PTN: variants seen among roughly 807,000 people sequenced by gnomAD.
PTN encodes heparin affin regulatory protein.
PTN carries 18 observed loss-of-function variants against 24.1 expected under a neutral mutation model. That is an observed-to-expected ratio of 0.75 (90% CI 0.52 to 1.11). PTN has a LOEUF of 1.11. PTN is among the 50% of genes least tolerant of loss of function. PTN has a pLI of 0.00. For missense variants in PTN, 163 were observed against 198.8 expected (o/e 0.82, Z 1.08); for synonymous variants, 78 against 68.6 (o/e 1.14, Z -0.67).
At chr7:137,253,424 A>G in intron 3 of PTN, 40 bp downstream of exon 3, 1 of 1,509,630 alleles carries the variant, frequency 6.6e-7, no homozygotes, top group African/African-American at 1.4e-5. Context: ...TTTGAGAATT[A>G]TCTCAGAGTA....
intron 1 of PTN, among the ~76,000 whole-genome samples, chr7:137,301,070 G>A (rs1809797482): frequency 1.3e-5 from 2 of 151,912 alleles, no homozygotes; most frequent in African/African-American, 2.4e-5. Context: ...GAGATAAAAT[G>A]TATAAAGAGT....
At chr7:137,338,340 C>A (rs534259364) in intron 1 of PTN, among the ~76,000 whole-genome samples, 1 of 152,286 alleles carries the variant, frequency 6.6e-6, no homozygotes, top group Admixed American at 6.5e-5. Context: ...AGTCTGAATT[C>A]TTAAGTTGTC....
chr7:137,325,934 T>G (rs1167257338), intron 1 of PTN: 1 of 152,242 alleles, frequency 6.6e-6, no homozygotes, highest in African/African-American at 2.4e-5. Context: ...TATAGAGTTT[T>G]CTTGAGAGCT....
At chr7:137,284,840 T>C (rs1362440138) in intron 1 of PTN, among the ~76,000 whole-genome samples, 1 of 152,084 alleles carries the variant, frequency 6.6e-6, no homozygotes, top group African/African-American at 2.4e-5. Context: ...AACACAAAAT[T>C]GGAATAAATG....
At chr7:137,293,739 C>G (rs1284136279) in intron 1 of PTN, among the ~76,000 whole-genome samples, 2 of 152,122 alleles carry the variant, frequency 1.3e-5, no homozygotes, top group Non-Finnish European at 2.9e-5. Context: ...GCATCTCCCA[C>G]CAGAGTGGTA....
intron 4 of PTN, among the ~76,000 whole-genome samples, chr7:137,248,418 G>T (rs1808761846): frequency 6.6e-6 from 1 of 152,110 alleles, no homozygotes; most frequent in Non-Finnish European, 1.5e-5. Context: ...AGGCACAGTG[G>T]CTCATGCCTT....
Position 137,264,793 on chromosome 7 carries a change from T to C in PTN, c.-1-9819A>G, listed in dbSNP as rs146260934. Among the ~76,000 whole-genome samples the C allele has an allele frequency of 1.5e-3, 228 of 152,218 alleles. 1 individual carries two copies. The highest frequency in any genetic ancestry group is 5.4e-3 in the African/African-American group (224 of 41,532). On this transcript the variant is annotated intron_variant, in intron 1 of 4. Coordinates refer to ENST00000348225, the MANE Select transcript of PTN (RefSeq NM_002825.7). Reference sequence around the variant, plus strand: ...GGTATTTATTAAAGTTACCACAGCATGGGGGGACTTTAGGTTTTGCCTAAG... The same window carrying C: ...GGTATTTATTAAAGTTACCACAGCACGGGGGGACTTTAGGTTTTGCCTAAG...
intron 1 of PTN, among the ~76,000 whole-genome samples, chr7:137,270,361 T>A (rs1809254184): frequency 1.3e-5 from 2 of 152,244 alleles, no homozygotes; most frequent in South Asian, 4.1e-4. Context: ...TTATAAGGTA[T>A]TAGCTATTAA....
intron 1 of PTN, among the ~76,000 whole-genome samples, chr7:137,292,259 A>G (rs1809649888): frequency 6.6e-6 from 1 of 152,114 alleles, no homozygotes. Flanking sequence ...TCATCTGCAT[A>G]CTTTAATCAT....
At chr7:137,309,472 T>A (rs1809945750) in intron 1 of PTN, among the ~76,000 whole-genome samples, 1 of 151,894 alleles carries the variant, frequency 6.6e-6, no homozygotes, top group South Asian at 2.1e-4. Flanking sequence ...TCACATCAAT[T>A]CACTCTTTCA....
At chr7:137,308,023 C>T (rs967502112) in intron 1 of PTN, among the ~76,000 whole-genome samples, 1 of 152,208 alleles carries the variant, frequency 6.6e-6, no homozygotes, top group African/African-American at 2.4e-5. Flanking sequence ...ATTTTCTGTC[C>T]TCTTTTATTC....
chr7:137,313,104 T>C (rs1051518353), intron 1 of PTN, among the ~76,000 whole-genome samples: 2 of 151,900 alleles, frequency 1.3e-5, no homozygotes, highest in Non-Finnish European at 2.9e-5. Context: ...TTGCTGAAAC[T>C]GAGCCCTCCT....
chr7:137,285,952 T>C (rs1809547017), intron 1 of PTN, among the ~76,000 whole-genome samples: 1 of 152,246 alleles, frequency 6.6e-6, no homozygotes, highest in Non-Finnish European at 1.5e-5. Flanking sequence ...GAATTTTATG[T>C]ATATTCTACA....
rs976494521 is a variant in PTN at position 137,300,656 on chromosome 7, A to G, written c.-2+42783T>C. The stretch of plus-strand genomic sequence containing the variant: ...AGACAAAGAGGTGCTTGGAACTGGC[A>G]GACTACTCAGCACAGCGGATCTCCC... On this transcript the variant is annotated intron_variant, in intron 1 of 4. Coordinates refer to ENST00000348225, the MANE Select transcript of PTN (RefSeq NM_002825.7). Among the ~76,000 whole-genome samples, 27 of 151,970 alleles carry G rather than the reference A, an allele frequency of 1.8e-4. 1 individual carries two copies. Among genetic ancestry groups the G allele is most frequent in the African/African-American group, 6.5e-4 (27 of 41,410 alleles).
chr7:137,277,547 A>T (rs1809380836), intron 1 of PTN, among the ~76,000 whole-genome samples: 1 of 152,182 alleles, frequency 6.6e-6, no homozygotes. Flanking sequence ...ATTGTAGTAT[A>T]GTCAAACAAT....
intron 1 of PTN, among the ~76,000 whole-genome samples, chr7:137,266,740 T>C (rs10276871): frequency 0.011 from 1,649 of 152,038 alleles, 29 homozygotes; most frequent in African/African-American, 0.038. Context: ...CTATAATACA[T>C]GTTACACTGT....
rs768166090 is a variant in PTN at position 137,343,573 on chromosome 7, G to C, written c.-136C>G. 3.9e-6 allele frequency: 2 copies of C among 518,952 alleles called. No homozygotes were observed. The highest frequency in any genetic ancestry group is 7.7e-6 in the Non-Finnish European group (2 of 259,864). The allele number at this position is 518,952 out of a possible 1,614,324, so 32.1% of individuals were successfully genotyped here. A position where few individuals can be genotyped will look rare whatever the true frequency, so the allele number is the denominator to read the frequency against. On this transcript the variant is annotated 5_prime_UTR_variant, in exon 1 of 5. Transcript: ENST00000348225. Reference sequence around the variant, plus strand: ...CTGCTGCTCTCCCCGCCTTCTGGACGGATGACTCACTGGTCTCTTTCTTCC... The same window carrying C: ...CTGCTGCTCTCCCCGCCTTCTGGACCGATGACTCACTGGTCTCTTTCTTCC...
chr7:137,233,964 A>T (rs1438226969), intron 4 of PTN, among the ~76,000 whole-genome samples: 1 of 150,180 alleles, frequency 6.7e-6, no homozygotes, highest in Non-Finnish European at 1.5e-5. Context: ...GTATACATAT[A>T]CATATATATG....
At chr7:137,255,776 C>T (rs1215785640) in intron 1 of PTN, among the ~76,000 whole-genome samples, 1 of 152,178 alleles carries the variant, frequency 6.6e-6, no homozygotes, top group East Asian at 1.9e-4. Flanking sequence ...AGCCTAGTGT[C>T]AATATGGTCA....
Sources: allele counts gnomAD v4.1 joint callset (sites outside exome capture counted in the v4.1 genomes callset), GRCh38; gene constraint gnomAD v4.1.1; transcripts MANE v1.5; gene names NCBI Gene and HGNC (gene_info 2026-07-23, HGNC 2026-07-21).